Variants in NRXN1 observed in about 807,000 individuals in gnomAD.
The protein encoded by NRXN1 is neurexin 1.
In NRXN1, 39 loss-of-function variants were observed where a neutral mutation model predicts 150.9. The ratio of observed to expected loss-of-function variants is 0.26; its 90% CI spans 0.20 to 0.34. The LOEUF (loss-of-function observed/expected upper bound fraction) is 0.34, where lower values mean the gene tolerates loss of function less well. NRXN1 is among the 10% of genes least tolerant of loss of function. The pLI, the probability that NRXN1 is intolerant of heterozygous loss-of-function variation, is 1.00. For missense variants in NRXN1, 1,815 were observed against 1,949.9 expected (o/e 0.93, Z 1.30); for synonymous variants, 924 against 757.0 (o/e 1.22, Z -3.62).
chr2:50,057,915 A>G (rs1573653080), intron 19 of NRXN1, among the ~76,000 whole-genome samples: 3 of 152,314 alleles, frequency 2.0e-5, no homozygotes, highest in South Asian at 2.1e-4. Context: ...TTTGTTTAAT[A>G]ATAAATTCCC....
intron 21 of NRXN1, among the ~76,000 whole-genome samples, chr2:50,004,411 T>A (rs1189566383): frequency 1.3e-5 from 2 of 152,134 alleles, no homozygotes; most frequent in Non-Finnish European, 2.9e-5. Flanking sequence ...TTCTCTGGTG[T>A]CAATTTGTAT....
intron 18 of NRXN1, among the ~76,000 whole-genome samples, chr2:50,099,690 G>C (rs1270541099): frequency 6.6e-6 from 1 of 152,092 alleles, no homozygotes; most frequent in Non-Finnish European, 1.5e-5. Flanking sequence ...CAATTATATA[G>C]ACATTTCGGT....
chr2:50,764,990 T>C (rs371155879), intron 5 of NRXN1, among the ~76,000 whole-genome samples: 2 of 152,114 alleles, frequency 1.3e-5, no homozygotes, highest in East Asian at 3.9e-4. Flanking sequence ...AAGTTGCTAG[T>C]GTTATTGTTG....
At chr2:50,393,804 G>C (rs922904174) in intron 17 of NRXN1, among the ~76,000 whole-genome samples, 1 of 151,766 alleles carries the variant, frequency 6.6e-6, no homozygotes, top group Non-Finnish European at 1.5e-5. Context: ...CAATTCCCAG[G>C]AAAAAAGAAA....
intron 5 of NRXN1, among the ~76,000 whole-genome samples, chr2:50,662,221 C>A (rs368813964): frequency 5.0e-4 from 76 of 152,120 alleles, no homozygotes; most frequent in African/African-American, 1.8e-3. Context: ...TTGAACACCA[C>A]ACCTGCCCTG....
intron 17 of NRXN1, among the ~76,000 whole-genome samples, chr2:50,327,922 T>G (rs1261046838): frequency 6.6e-6 from 1 of 152,198 alleles, no homozygotes; most frequent in Non-Finnish European, 1.5e-5. Context: ...ATGCTGGGAT[T>G]ACAGGTGTGA....
At chr2:50,366,575 C>G (rs185141092) in intron 17 of NRXN1, among the ~76,000 whole-genome samples, 1 of 151,920 alleles carries the variant, frequency 6.6e-6, no homozygotes, top group African/African-American at 2.4e-5. Context: ...CCAAAACATC[C>G]TTAGAGTGAG....
chr2:50,607,898 C>T (rs1259460134), intron 8 of NRXN1, among the ~76,000 whole-genome samples: 3 of 152,116 alleles, frequency 2.0e-5, no homozygotes, highest in African/African-American at 7.2e-5. Context: ...ACTGCAGCTG[C>T]TCCTAATTTG....
chr2:50,896,826 G>A (rs1333829038), intron 5 of NRXN1, among the ~76,000 whole-genome samples: 8 of 150,204 alleles, frequency 5.3e-5, no homozygotes, highest in Middle Eastern at 3.2e-3. Context: ...CAGCCTGGGC[G>A]ACAGAGCAAG....
chr2:50,407,493 T>G (rs2104014295), intron 17 of NRXN1, among the ~76,000 whole-genome samples: 1 of 152,234 alleles, frequency 6.6e-6, no homozygotes, highest in East Asian at 1.9e-4. Flanking sequence ...TGAATATGTG[T>G]CCCCTCCAAA....
intron 5 of NRXN1, among the ~76,000 whole-genome samples, chr2:50,734,590 G>T (rs888354435): frequency 6.6e-6 from 1 of 151,904 alleles, no homozygotes; most frequent in Admixed American, 6.6e-5. Context: ...CTGGCTCAAA[G>T]GTCCACTGCC....
At chr2:50,178,490 C>A (rs2060489230) in intron 18 of NRXN1, among the ~76,000 whole-genome samples, 1 of 151,974 alleles carries the variant, frequency 6.6e-6, no homozygotes, top group African/African-American at 2.4e-5. Context: ...ACATACTGCC[C>A]ACAAAACAGA....
At chr2:50,417,492 C>A (rs2083628962) in intron 17 of NRXN1, among the ~76,000 whole-genome samples, 1 of 151,834 alleles carries the variant, frequency 6.6e-6, no homozygotes, top group African/African-American at 2.4e-5. Context: ...TGTTAAAACC[C>A]TGATATTCTG....
At chr2:50,261,753 G>A (rs567130214) in intron 17 of NRXN1, among the ~76,000 whole-genome samples, 1 of 151,774 alleles carries the variant, frequency 6.6e-6, no homozygotes, top group Non-Finnish European at 1.5e-5. Flanking sequence ...TCTTCCATCA[G>A]AGCAGTGTCT....
intron 17 of NRXN1, among the ~76,000 whole-genome samples, chr2:50,254,766 AG>A (rs1156648136): frequency 6.6e-6 from 1 of 152,154 alleles, no homozygotes; most frequent in Non-Finnish European, 1.5e-5. Context: ...TGGCAGTAAG[AG>A]TAAAGTTCAG....
chr2:49,921,834 C>A lies in NRXN1; in HGVS notation c.*110G>T. 9.5e-7 allele frequency: 1 copy of A among 1,055,968 alleles called. No homozygotes were observed. The allele number at this position is 1,055,968 out of a possible 1,614,324, so 65.4% of individuals were successfully genotyped here. A position where few individuals can be genotyped will look rare whatever the true frequency, so the allele number is the denominator to read the frequency against. On this transcript the variant is annotated 3_prime_UTR_variant, in exon 23 of 23. Coordinates refer to ENST00000401669, the MANE Select transcript of NRXN1 (RefSeq NM_001330078.2). The stretch of plus-strand genomic sequence containing the variant: ...AAGTCTTTCCTTCCTGATTGCATTC[C>A]CTGTCTTCTTTTGTATGTGCTTCAT...
At chr2:50,467,284 A>G (rs1454318166) in intron 16 of NRXN1, among the ~76,000 whole-genome samples, 1 of 151,620 alleles carries the variant, frequency 6.6e-6, no homozygotes, top group African/African-American at 2.4e-5. Flanking sequence ...ATAAGAACCT[A>G]TCTTAGAGGA....
At chr2:50,375,161 C>T (rs904584491) in intron 17 of NRXN1, among the ~76,000 whole-genome samples, 3 of 151,912 alleles carry the variant, frequency 2.0e-5, no homozygotes, top group Admixed American at 2.0e-4. Flanking sequence ...TTTTAATATA[C>T]CTTAGTTTAA....
chr2:50,146,475 T>C (rs1038958139), intron 18 of NRXN1, among the ~76,000 whole-genome samples: 5 of 151,572 alleles, frequency 3.3e-5, no homozygotes, highest in African/African-American at 4.8e-5. Context: ...TGGCACACAT[T>C]TGTTAGATTA....
Sources: gnomAD v4.1 joint callset for allele counts (sites outside exome capture counted in the v4.1 genomes callset) on GRCh38, gnomAD v4.1.1 for gene constraint, MANE v1.5 for transcripts, NCBI Gene and HGNC (gene_info 2026-07-23, HGNC 2026-07-21) for gene names.